Variants in POLQ observed in about 807,000 individuals in gnomAD.
POLQ encodes the protein epididymis secretory sperm binding protein.
A neutral mutation model predicts 259.2 loss-of-function variants in POLQ; 233 were observed. The ratio of observed to expected loss-of-function variants is 0.90; its 90% CI spans 0.81 to 1.00. The LOEUF (loss-of-function observed/expected upper bound fraction) is 1.00. Ranked by LOEUF, POLQ falls within the 50% of genes least tolerant of loss-of-function variation. The probability of loss-of-function intolerance (pLI) is 0.00; values close to 1 mark genes in which losing one functional copy is unlikely to be tolerated. For missense variants in POLQ, 2,871 were observed against 3,051.6 expected, an observed-to-expected ratio of 0.94 and a Z score of 1.39; for synonymous variants, 1,025 against 1,048.8, an observed-to-expected ratio of 0.98 and a Z score of 0.44.
intron 12 of POLQ, among the ~76,000 whole-genome samples, chr3:121,507,505 T>A (rs2048218493): frequency 6.6e-6 from 1 of 152,094 alleles, no homozygotes; most frequent in Non-Finnish European, 1.5e-5. Flanking sequence ...GGAGGGTGGA[T>A]CACTTGAGGT....
intron 25 of POLQ, among the ~76,000 whole-genome samples, chr3:121,453,111 T>C (rs537046679): frequency 2.0e-5 from 3 of 152,360 alleles, no homozygotes; most frequent in Non-Finnish European, 2.9e-5. Flanking sequence ...GTCACCGCTG[T>C]TGATATCCAG....
chr3:121,462,398 G>A (rs1368578208), intron 24 of POLQ, among the ~76,000 whole-genome samples: 2 of 152,190 alleles, frequency 1.3e-5, no homozygotes, highest in Non-Finnish European at 2.9e-5. Flanking sequence ...ATCTGTAGCA[G>A]GGAAAGGGAG....
chr3:121,441,111 TTTTCTG>T (rs1488033085), intron 26 of POLQ, among the ~76,000 whole-genome samples: 1 of 152,176 alleles, frequency 6.6e-6, no homozygotes, highest in Non-Finnish European at 1.5e-5. Context: ...ACTCTCATCT[TTTTCTG>T]TTTAAGAATT....
In POLQ at chr3:121,486,960, G is replaced by A. The variant is rs955400721; in HGVS notation, c.5629+342C>T. ...GAAAGGAGAAAAAGAAAAAAGAAAA[G>A]AATTCATGAGCACTGGTGATTAATA... On this transcript the variant is annotated intron_variant, in intron 16 of 29. Coordinates refer to ENST00000264233, the MANE Select transcript of POLQ (RefSeq NM_199420.4). Among the ~76,000 whole-genome samples, 7 of 151,750 alleles carry A rather than the reference G, an allele frequency of 4.6e-5. No homozygotes were observed. In the East Asian group the frequency reaches 1.4e-3, roughly 29 times the overall value.
At chr3:121,493,331 A>G (rs2048086640) in intron 15 of POLQ, 147 bp downstream of exon 15, 3 of 599,438 alleles carry the variant, frequency 5.0e-6, no homozygotes, top group Non-Finnish European at 8.1e-6. Flanking sequence ...TGCAATGGGG[A>G]AAAAGTAGCC....
chr3:121,434,626 A>G (rs950706611), intron 28 of POLQ, among the ~76,000 whole-genome samples: 1 of 152,196 alleles, frequency 6.6e-6, no homozygotes, highest in Admixed American at 6.5e-5. Context: ...ACTGATGACA[A>G]TATTAATAAT....
chr3:121,432,360 T>G lies in POLQ; in HGVS notation c.7717A>C (p.Lys2573Gln), dbSNP rs770769921. 9.3e-6 allele frequency: 15 copies of G among 1,610,568 alleles called. No homozygotes were observed. The East Asian group carries it at 3.1e-4, about 34-fold the overall frequency. Residue 2573 changes from lysine (K) to glutamine (Q), a missense_variant, in exon 30 of 30, where the codon AAA becomes CAA. By Grantham distance (53) the Lys-to-Gln change is moderately conservative (BLOSUM62 1). Transcript: ENST00000264233. ...ESAVKLSVKL[K>Q]VKVKIGASWG... is the part of the protein sequence containing the mutation. ...CTGGCGCCTATTTTCACTTTCACTT[T>G]CAATTTCACAGACAGTTTTACAGCA...
intron 4 of POLQ, among the ~76,000 whole-genome samples, chr3:121,539,144 C>T (rs1226272897): frequency 2.0e-5 from 3 of 152,092 alleles, no homozygotes; most frequent in African/African-American, 7.2e-5. Context: ...TCCTTCTATT[C>T]CTGGTAGAGT....
rs147342767 is a variant in POLQ, at chr3:121,498,499, G to A, written c.2131C>T (p.Arg711Ter). Residue 711 changes from arginine (R) to a stop codon, truncating the protein, a stop_gained, in exon 13 of 30, where the codon CGA becomes TGA. Coordinates refer to ENST00000264233, the MANE Select transcript of POLQ (RefSeq NM_199420.4). LOFTEE classifies it high-confidence loss of function. ...KVVARTERQH[R>*]QMAIHKRFFT... ...TACCTTTTATGGATGGCCATTTGTC[G>A]ATGCTGTCTCTCAGTTCTGGCTACT... 3.2e-5 allele frequency: 51 copies of A among 1,613,670 alleles called. No homozygotes were observed. The highest frequency in any genetic ancestry group is 6.7e-5 in the Admixed American group (4 of 59,966).
chr3:121,450,538 G>A (rs963778151), intron 25 of POLQ, among the ~76,000 whole-genome samples: 1 of 100,814 alleles, frequency 9.9e-6, no homozygotes, highest in African/African-American at 3.9e-5. Context: ...CCCCACAACG[G>A]GCCCCAGTGT....
chr3:121,464,101 A>G (rs1466067051), intron 24 of POLQ, among the ~76,000 whole-genome samples: 1 of 152,240 alleles, frequency 6.6e-6, no homozygotes, highest in Non-Finnish European at 1.5e-5. Flanking sequence ...GACAAAAAGA[A>G]CAATGTGGTT....
chr3:121,541,254 T>C, intron 3 of POLQ, 95 bp downstream of exon 3: 13 of 1,153,748 alleles, frequency 1.1e-5, no homozygotes, highest in Non-Finnish European at 1.6e-5. Flanking sequence ...GAAACTTTGT[T>C]TTCCACTTGC....
intron 5 of POLQ, among the ~76,000 whole-genome samples, chr3:121,534,632 T>C (rs1349441935): frequency 1.3e-5 from 2 of 152,204 alleles, no homozygotes; most frequent in African/African-American, 4.8e-5. Context: ...TTTTTCTAAG[T>C]TATTGGGATG....
intron 24 of POLQ, among the ~76,000 whole-genome samples, chr3:121,464,336 C>A (rs1171667407): frequency 1.3e-5 from 2 of 152,026 alleles, no homozygotes; most frequent in Non-Finnish European, 2.9e-5. Context: ...AGTTCCAGAC[C>A]AGCCTGGGTA....
chr3:121,542,373 C>A (rs2048496769), intron 2 of POLQ, among the ~76,000 whole-genome samples: 1 of 151,824 alleles, frequency 6.6e-6, no homozygotes, highest in Non-Finnish European at 1.5e-5. Flanking sequence ...ATGGGTGATA[C>A]AGTGAGACTC....
intron 20 of POLQ, among the ~76,000 whole-genome samples, chr3:121,474,057 T>C (rs1322924200): frequency 6.6e-6 from 1 of 152,172 alleles, no homozygotes; most frequent in Non-Finnish European, 1.5e-5. Flanking sequence ...CACAGGCACG[T>C]ATATACACTG....
chr3:121,432,868 A>G (rs778135802), intron 29 of POLQ, 50 bp downstream of exon 29: 13 of 1,083,176 alleles, frequency 1.2e-5, no homozygotes, highest in Non-Finnish European at 1.9e-5. Flanking sequence ...CGGCCTGACA[A>G]TACAGTGTCT....
intron 7 of POLQ, among the ~76,000 whole-genome samples, chr3:121,527,116 G>A (rs550899950): frequency 1.4e-4 from 22 of 151,802 alleles, no homozygotes; most frequent in Non-Finnish European, 2.5e-4. Flanking sequence ...GGTGGAGTGC[G>A]GTGGCACGAT....
chr3:121,439,832 T>G (rs1576397125), intron 27 of POLQ, among the ~76,000 whole-genome samples, 160 bp downstream of exon 27: 1 of 152,242 alleles, frequency 6.6e-6, no homozygotes, highest in Admixed American at 6.5e-5. Flanking sequence ...TGCCATCACT[T>G]CAGAAGTCCT....
Sources: gnomAD v4.1 joint callset for allele counts (sites outside exome capture counted in the v4.1 genomes callset) on GRCh38, gnomAD v4.1.1 for gene constraint, MANE v1.5 for transcripts, NCBI Gene and HGNC (gene_info 2026-07-23, HGNC 2026-07-21) for gene names.